TPCN2: variants seen among roughly 807,000 people sequenced by gnomAD.
The protein encoded by TPCN2 is two pore segment channel 2.
TPCN2 carries 92 observed loss-of-function variants against 111.4 expected under a neutral mutation model. That is an observed-to-expected ratio of 0.83 (90% CI 0.70 to 0.98). The LOEUF is 0.98. Among genes scored for constraint, TPCN2 ranks in the 50% least tolerant of loss-of-function variants. The probability of loss-of-function intolerance (pLI) is 0.00; values close to 1 mark genes in which losing one functional copy is unlikely to be tolerated. For synonymous variants in TPCN2, 405 were observed against 414.5 expected, an observed-to-expected ratio of 0.98 and a Z score of 0.28; for missense variants, 995 against 980.1, an observed-to-expected ratio of 1.02 and a Z score of -0.20.
chr11:69,050,922 C>T (rs1861198338), intron 1 of TPCN2, among the ~76,000 whole-genome samples: 1 of 152,266 alleles, frequency 6.6e-6, no homozygotes, highest in South Asian at 2.1e-4. Flanking sequence ...CTCTTTGTCC[C>T]TATGCTGTGG....
chr11:69,078,667 C>T, intron 14 of TPCN2, 66 bp downstream of exon 14: 2 of 1,613,298 alleles, frequency 1.2e-6, no homozygotes, highest in East Asian at 2.2e-5. Flanking sequence ...GCAGGGGAGC[C>T]TGCCCCTCCT....
At chr11:69,085,362 C>G (rs1322111859) in intron 20 of TPCN2, 76 bp downstream of exon 20, 1 of 1,394,312 alleles carries the variant, frequency 7.2e-7, no homozygotes, top group Non-Finnish European at 1.0e-6. Context: ...GCGGTGGCCT[C>G]AGTGGGCTCA....
chr11:69,059,600 C>G (rs1040492054), intron 5 of TPCN2, among the ~76,000 whole-genome samples: 1 of 152,248 alleles, frequency 6.6e-6, no homozygotes, highest in Non-Finnish European at 1.5e-5. Context: ...GCTCTGGGAC[C>G]CTTCCTACAG....
rs551898019 is a variant in TPCN2 at position 69,083,947 on chromosome 11, G to A, written c.1692G>A (p.Leu564=). ...CTGTGCTCTCTTCCTGTCCTCAGCT[G>A]ATGGCCGTGGTGGCCAGTACCGTCC... The part of the protein sequence containing the change: ...RFLRIIPSMK[L]MAVVASTVLG... The change falls in exon 19 of 25, where the codon CTG becomes CTA. Residue 564 remains leucine, a splice_region_variant and synonymous_variant. Transcript: ENST00000294309. 5 of 1,614,108 alleles carry A rather than the reference G, an allele frequency of 3.1e-6. No homozygotes were observed. The highest frequency in any genetic ancestry group is 2.2e-5 in the South Asian group (2 of 91,084).
At position 69,078,756 on chromosome 11, in the gene TPCN2, A is replaced by G. The variant is rs746973156; in HGVS notation, c.1373A>G (p.Asp458Gly). ...CAGGTGTTCCTGGTGCTGGATGCAGATGTGCTGCCTGCTGAGCGTGATGAC... is the reference window on the plus strand; with the variant it reads ...CAGGTGTTCCTGGTGCTGGATGCAGGTGTGCTGCCTGCTGAGCGTGATGAC... ...SICVFLVLDA[D>G]VLPAERDDFI... The change falls in exon 15 of 25, where the codon GAT (aspartate) becomes GGT (glycine). Residue 458 changes from aspartate (D) to glycine (G), a missense_variant. Transcript: ENST00000294309. The G allele has an allele frequency of 1.9e-6, 3 of 1,613,964 alleles. No individual in the cohort carries two copies. The Admixed American group carries it at 5.0e-5, about 27-fold the overall frequency.
intron 19 of TPCN2, 130 bp downstream of exon 19, chr11:69,084,146 G>T (rs917230461): frequency 4.4e-6 from 4 of 906,726 alleles, no homozygotes; most frequent in Non-Finnish European, 7.1e-6. Context: ...ACGGCAGCAG[G>T]TTCCTGAGGC....
intron 5 of TPCN2, among the ~76,000 whole-genome samples, chr11:69,059,376 A>G (rs996989786): frequency 6.6e-6 from 1 of 152,096 alleles, no homozygotes; most frequent in Non-Finnish European, 1.5e-5. Flanking sequence ...TTGGGAGTGG[A>G]TATTTCCAGA....
intron 13 of TPCN2, among the ~76,000 whole-genome samples, chr11:69,073,517 C>T (rs1855626957): frequency 1.3e-5 from 2 of 152,364 alleles, no homozygotes; most frequent in Admixed American, 6.5e-5. Flanking sequence ...CTGAGCCAGA[C>T]CCTGGAACAG....
In TPCN2 at chr11:69,067,809, G is replaced by A. The variant is rs1369079054; in HGVS notation, c.829+204G>A. On this transcript the variant is annotated intron_variant, in intron 8 of 24. Transcript: ENST00000294309. Reference sequence around the variant, plus strand: ...CTTGGTTTTCTTCTCCCTCTCTCTTGTCCCTTCTCTTTCCTTCTTTCCTTT... The same window carrying A: ...CTTGGTTTTCTTCTCCCTCTCTCTTATCCCTTCTCTTTCCTTCTTTCCTTT... Among the ~76,000 whole-genome samples the A allele has an allele frequency of 3.3e-5, 5 of 151,860 alleles. No individual in the cohort carries two copies. In the Middle Eastern group the frequency reaches 0.014, roughly 413 times the overall value.
chr11:69,067,637 G>A (rs1243750883), intron 8 of TPCN2, 32 bp downstream of exon 8: 1 of 1,607,012 alleles, frequency 6.2e-7, no homozygotes, highest in South Asian at 1.1e-5. Context: ...GACCGTGGGG[G>A]TCGGTGAGCC....
At position 69,084,122 on chromosome 11, in the gene TPCN2, G is replaced by C. The variant is rs368825922; in HGVS notation, c.1761+106G>C. Reference sequence around the variant, plus strand: ...GGCTCACTGCTCTGTCGGTAGGAAGGTTCTTGGGTTCGGACGGCAGCAGGT... The same window carrying C: ...GGCTCACTGCTCTGTCGGTAGGAAGCTTCTTGGGTTCGGACGGCAGCAGGT... On this transcript the variant is annotated intron_variant, in intron 19 of 24. Coordinates refer to ENST00000294309, the MANE Select transcript of TPCN2 (RefSeq NM_139075.4). 16 of 1,220,708 alleles carry C rather than the reference G, an allele frequency of 1.3e-5. No individual in the cohort carries two copies. The African/African-American group carries it at 2.2e-4, about 17-fold the overall frequency. 75.6% of individuals were successfully genotyped at this position (1,220,708 alleles called of 1,614,324 possible).
At chr11:69,075,946 G>C (rs79481933) in intron 13 of TPCN2, among the ~76,000 whole-genome samples, 2 of 152,186 alleles carry the variant, frequency 1.3e-5, no homozygotes. Flanking sequence ...CAGTTACACA[G>C]CTAACATATG....
rs1855921383 is a variant in TPCN2 at position 69,079,560 on chromosome 11, GC to G, written c.1540-271del. On this transcript the variant is annotated intron_variant, in intron 16 of 24. Transcript: ENST00000294309. Reference sequence around the variant, plus strand: ...ATAGGTGAAGAGAAATTTGAAAAGGGCCCTGCAGTCTGTCCTTGACTCAGTA... The same window carrying G: ...ATAGGTGAAGAGAAATTTGAAAAGGGCCTGCAGTCTGTCCTTGACTCAGTA... 10 of 416,288 alleles carry G rather than the reference GC, an allele frequency of 2.4e-5. No individual in the cohort carries two copies. The East Asian group carries it at 4.1e-4, about 17-fold the overall frequency. The allele number at this position is 416,288 out of a possible 1,614,324, so 25.8% of individuals were successfully genotyped here.
At position 69,054,596 on chromosome 11, in the gene TPCN2, C is replaced by T. The variant is rs896723475; in HGVS notation, c.175-125C>T. The T allele has an allele frequency of 1.0e-4, 90 of 899,018 alleles. No homozygotes were observed. The Admixed American group carries it at 1.0e-3, about 10-fold the overall frequency. 55.7% of individuals were successfully genotyped at this position (899,018 alleles called of 1,614,324 possible). A position where few individuals can be genotyped will look rare whatever the true frequency, so the allele number is the denominator to read the frequency against. ...TGGGTCAGGGCTGGCCATGTCCACA[C>T]GCTGAAGCGTCCCCTGTGATCCACA... is the stretch of plus-strand genomic sequence containing the variant. On this transcript the variant is annotated intron_variant, in intron 2 of 24. Transcript: ENST00000294309.
chr11:69,054,856 T>G, intron 3 of TPCN2, 59 bp downstream of exon 3: 1 of 1,558,590 alleles, frequency 6.4e-7, no homozygotes, highest in Non-Finnish European at 8.8e-7. Context: ...CAGGGGAGGC[T>G]GGCCCCCACC....
chr11:69,072,002 A>T lies in TPCN2; in HGVS notation c.1040A>T (p.Glu347Val). 6.2e-7 allele frequency: 1 copy of T among 1,613,220 alleles called. No homozygotes were observed. The highest frequency in any genetic ancestry group is 8.5e-7 in the Non-Finnish European group (1 of 1,179,668). Residue 347 changes from glutamate (E) to valine (V), a missense_variant, in exon 11 of 25, where the codon GAG (glutamate) becomes GTG (valine). Coordinates refer to ENST00000294309, the MANE Select transcript of TPCN2 (RefSeq NM_139075.4). The stretch of plus-strand genomic sequence containing the variant: ...GAAGTCCTATCCTCCATGGTGGGGG[A>T]GGGAGGAGCCTTCCCTCAGGCGTGA... ...AFEVLSSMVG[E>V]GGAFPQAVGV...
At chr11:69,080,568 G>C (rs1855962663) in intron 17 of TPCN2, among the ~76,000 whole-genome samples, 1 of 152,208 alleles carries the variant, frequency 6.6e-6, no homozygotes, top group Non-Finnish European at 1.5e-5. Context: ...CAGCATGCCA[G>C]CCTCGGCCCT....
At chr11:69,051,552 G>C (rs1414301554) in intron 1 of TPCN2, among the ~76,000 whole-genome samples, 1 of 152,318 alleles carries the variant, frequency 6.6e-6, no homozygotes, top group South Asian at 2.1e-4. Flanking sequence ...ACAGGGGAGC[G>C]GGAGCTCAGA....
intron 4 of TPCN2, 124 bp downstream of exon 4, chr11:69,055,476 C>G (rs778397171): frequency 2.2e-5 from 23 of 1,057,728 alleles, no homozygotes; most frequent in Non-Finnish European, 2.9e-5. Flanking sequence ...TACTTTGACC[C>G]GGTGAGCAAG....
Sources: gnomAD v4.1 joint callset for allele counts (sites outside exome capture counted in the v4.1 genomes callset) on GRCh38, gnomAD v4.1.1 for gene constraint, MANE v1.5 for transcripts, NCBI Gene and HGNC (gene_info 2026-07-23, HGNC 2026-07-21) for gene names.